Variants in RNF150 observed in about 807,000 individuals in gnomAD.
RNF150 encodes ring finger protein 150.
RNF150 carries 24 observed loss-of-function variants against 39.3 expected under a neutral mutation model. That is an observed-to-expected ratio of 0.61 (90% confidence interval 0.44 to 0.86). The LOEUF is 0.86. Ranked by LOEUF, RNF150 falls within the 40% of genes least tolerant of loss-of-function variation. The pLI is 0.00. For missense variants in RNF150, 502 were observed against 587.8 expected, an observed-to-expected ratio of 0.85 and a Z score of 1.51; for synonymous variants, 255 against 227.3, an observed-to-expected ratio of 1.12 and a Z score of -1.10.
intron 1 of RNF150, among the ~76,000 whole-genome samples, chr4:141,005,850 C>T (rs1222025805): frequency 2.3e-5 from 3 of 130,388 alleles, no homozygotes; most frequent in Non-Finnish European, 5.2e-5. Flanking sequence ...GGGCGGATCA[C>T]GAGGTCAGGA....
chr4:141,113,360 G>T (rs1245263712), intron 1 of RNF150, among the ~76,000 whole-genome samples: 2 of 147,966 alleles, frequency 1.4e-5, no homozygotes, highest in South Asian at 2.1e-4. Flanking sequence ...AAAAGCAGGG[G>T]TTGCAATCCT....
intron 1 of RNF150, among the ~76,000 whole-genome samples, chr4:141,123,996 G>C (rs147018429): frequency 1.8e-3 from 267 of 152,198 alleles, no homozygotes; most frequent in African/African-American, 6.3e-3. Context: ...ATTGTGAATA[G>C]TGCTGCAATA....
intron 1 of RNF150, among the ~76,000 whole-genome samples, chr4:141,190,352 G>A (rs1364178846): frequency 2.0e-5 from 3 of 152,158 alleles, no homozygotes; most frequent in African/African-American, 7.2e-5. Context: ...ACCTAATCAG[G>A]TGAGCCCTAA....
At chr4:141,097,666 C>T (rs1387284229) in intron 1 of RNF150, among the ~76,000 whole-genome samples, 1 of 151,672 alleles carries the variant, frequency 6.6e-6, no homozygotes, top group Non-Finnish European at 1.5e-5. Context: ...AATGTTTTAA[C>T]TTATGTCTTT....
Position 140,950,461 on chromosome 4 carries a change from A to G in RNF150, c.736-1089T>C, listed in dbSNP as rs77218959. ...AGAAAAGCACTATTTAATAGAATGA[A>G]CTGAGGCTTACAGAGCTTAAGTAAG... On this transcript the variant is annotated intron_variant, in intron 2 of 6. Coordinates refer to ENST00000515673, the MANE Select transcript of RNF150 (RefSeq NM_020724.2). 1.0e-2 allele frequency among the ~76,000 whole-genome samples: 1,518 copies of G among 152,358 alleles called. 26 individuals carry two copies. The highest frequency in any genetic ancestry group is 0.032 in the African/African-American group (1,339 of 41,588).
chr4:141,201,079 A>C (rs1434526009), intron 1 of RNF150, among the ~76,000 whole-genome samples: 2 of 152,228 alleles, frequency 1.3e-5, no homozygotes, highest in African/African-American at 4.8e-5. Flanking sequence ...ACAATAGATC[A>C]GATTATTATT....
At chr4:141,117,040 T>G (rs1352972389) in intron 1 of RNF150, among the ~76,000 whole-genome samples, 1 of 152,014 alleles carries the variant, frequency 6.6e-6, no homozygotes, top group Non-Finnish European at 1.5e-5. Flanking sequence ...GAGAAATACC[T>G]AATTAGATGA....
At chr4:140,985,022 C>CT (rs1733976366) in intron 1 of RNF150, among the ~76,000 whole-genome samples, 1 of 152,126 alleles carries the variant, frequency 6.6e-6, no homozygotes. Context: ...CTCAGTCCTG[C>CT]TTATAAATAA....
At chr4:140,992,361 C>G (rs139912357) in intron 1 of RNF150, among the ~76,000 whole-genome samples, 60 of 151,864 alleles carry the variant, frequency 4.0e-4, no homozygotes, top group African/African-American at 1.2e-3. Flanking sequence ...AGAGTGAGAT[C>G]CCATCTCTAC....
At chr4:140,971,234 T>G (rs1733450764) in intron 1 of RNF150, among the ~76,000 whole-genome samples, 1 of 151,940 alleles carries the variant, frequency 6.6e-6, no homozygotes, top group African/African-American at 2.4e-5. Context: ...TACTAGGATA[T>G]GCTTTGCTTC....
At chr4:140,914,359 C>G (rs1052071357) in intron 5 of RNF150, among the ~76,000 whole-genome samples, 1 of 152,356 alleles carries the variant, frequency 6.6e-6, no homozygotes, top group African/African-American at 2.4e-5. Flanking sequence ...CTACATACCT[C>G]TGAGAGAAGA....
chr4:141,160,783 C>T (rs1451784509), intron 1 of RNF150, among the ~76,000 whole-genome samples: 1 of 152,190 alleles, frequency 6.6e-6, no homozygotes, highest in African/African-American at 2.4e-5. Flanking sequence ...GCCATTTCAC[C>T]TTCTGCCGTG....
At chr4:140,890,331 C>T (rs1729715344) in intron 6 of RNF150, among the ~76,000 whole-genome samples, 1 of 152,084 alleles carries the variant, frequency 6.6e-6, no homozygotes. Context: ...TAAGAATATG[C>T]TATAGTTTAT....
intron 1 of RNF150, among the ~76,000 whole-genome samples, chr4:141,021,691 T>TA (rs1735496923): frequency 1.3e-5 from 2 of 152,194 alleles, no homozygotes; most frequent in South Asian, 4.1e-4. Context: ...TGCTTTCCAT[T>TA]TCCAAATGCT....
intron 1 of RNF150, among the ~76,000 whole-genome samples, chr4:141,078,832 T>TATACACAC (rs1269919232): frequency 1.9e-5 from 2 of 102,872 alleles, no homozygotes; most frequent in African/African-American, 4.0e-5. Context: ...TATATATATA[T>TATACACAC]ACACACACAC....
At chr4:140,949,239 T>C (rs1174014676) in intron 3 of RNF150, 62 bp downstream of exon 3, 1 of 1,306,298 alleles carries the variant, frequency 7.7e-7, no homozygotes, top group African/African-American at 1.5e-5. Context: ...ACCCTGGCTA[T>C]AAGAAAAGTT....
chr4:141,178,155 G>A (rs559600818), intron 1 of RNF150, among the ~76,000 whole-genome samples: 1 of 152,168 alleles, frequency 6.6e-6, no homozygotes, highest in African/African-American at 2.4e-5. Context: ...GTCTGAAAAA[G>A]GATTTCTTTC....
At chr4:140,886,654 G>A (rs987912322) in intron 6 of RNF150, among the ~76,000 whole-genome samples, 1 of 152,134 alleles carries the variant, frequency 6.6e-6, no homozygotes, top group Admixed American at 6.6e-5. Flanking sequence ...GTCTCACTCT[G>A]TTGACCATAC....
chr4:141,132,581 G>A lies in RNF150; in HGVS notation c.228C>T (p.Arg76=). The change falls in exon 1 of 7, where the codon CGC becomes CGT. Residue 76 remains arginine (R), a synonymous_variant. Transcript: ENST00000515673. The surrounding 1 kb of genome is among the most constrained non-coding windows in gnomAD (Gnocchi z 4.9). ...CCTGCTTGGGCGAGTGCTCTCCGTA[G>A]CGCCCGCACTCCGTCTTCTCCGTGT... is the stretch of plus-strand genomic sequence containing the variant. ...ELHTEKTECG[R]YGEHSPKQDA... is the part of the protein sequence containing the mutation. 2.5e-6 allele frequency: 4 copies of A among 1,576,358 alleles called. No homozygotes were observed. The highest frequency in any genetic ancestry group is 3.4e-6 in the Non-Finnish European group (4 of 1,161,886).
Sources: gnomAD v4.1 joint callset for allele counts (sites outside exome capture counted in the v4.1 genomes callset) on GRCh38, gnomAD v4.1.1 for gene constraint, Gnocchi (gnomAD v3.1) non-coding constraint, MANE v1.5 for transcripts, NCBI Gene and HGNC (gene_info 2026-07-23, HGNC 2026-07-21) for gene names.